CLCN3: variants seen among roughly 807,000 people sequenced by gnomAD.
CLCN3 encodes Cl-/H+ antiporter 3.
Under a neutral mutation model 83.4 loss-of-function variants are expected in CLCN3, and 16 were observed. The observed-to-expected ratio is 0.19, with a 90% CI of 0.13 to 0.29. The LOEUF is 0.29. Ranked by LOEUF, CLCN3 falls within the 10% of genes least tolerant of loss-of-function variation. CLCN3 has a pLI of 1.00. For missense variants in CLCN3, 544 were observed against 1,006.0 expected (o/e 0.54, Z 6.21); for synonymous variants, 322 against 346.2 (o/e 0.93, Z 0.78).
At chr4:169,709,719 G>A (rs1187783593) in intron 11 of CLCN3, among the ~76,000 whole-genome samples, 2 of 151,808 alleles carry the variant, frequency 1.3e-5, no homozygotes, top group Non-Finnish European at 2.9e-5. Context: ...AATGAAAACT[G>A]TAATGTTGTT....
At chr4:169,626,541 A>C (rs1773239944) in intron 1 of CLCN3, among the ~76,000 whole-genome samples, 1 of 152,228 alleles carries the variant, frequency 6.6e-6, no homozygotes, top group African/African-American at 2.4e-5. Flanking sequence ...TCCCTTCTAA[A>C]GGGAAGGTCT....
chr4:169,679,489 G>A (rs1403030490), intron 2 of CLCN3, among the ~76,000 whole-genome samples: 2 of 152,136 alleles, frequency 1.3e-5, no homozygotes, highest in Non-Finnish European at 2.9e-5. Flanking sequence ...TAGACGGGGT[G>A]GCGGCCGGGC....
intron 9 of CLCN3, among the ~76,000 whole-genome samples, chr4:169,701,928 G>A (rs1180191587): frequency 6.6e-6 from 1 of 152,088 alleles, no homozygotes; most frequent in Non-Finnish European, 1.5e-5. Flanking sequence ...AGTGTGCACA[G>A]TGTATTTACT....
chr4:169,641,648 A>G (rs1363563472), intron 2 of CLCN3, among the ~76,000 whole-genome samples: 1 of 152,210 alleles, frequency 6.6e-6, no homozygotes, highest in African/African-American at 2.4e-5. Context: ...TACTGCCTAC[A>G]CAAGACGTTT....
At chr4:169,622,605 C>T (rs1333796574) in intron 1 of CLCN3, among the ~76,000 whole-genome samples, 1 of 152,134 alleles carries the variant, frequency 6.6e-6, no homozygotes, top group Non-Finnish European at 1.5e-5. Context: ...AGGCTCTTTT[C>T]CAAGTAATTT....
rs1158387990 is a variant in CLCN3, at chr4:169,663,784, T to G, written c.161-16266T>G. 2.6e-5 allele frequency among the ~76,000 whole-genome samples: 4 copies of G among 152,218 alleles called. No individual in the cohort carries two copies. In the East Asian group the frequency reaches 7.7e-4, roughly 29 times the overall value. ...AAAGTCAGAATTCCATCCAGATATTTGGCTCATACTTTAATCATGAGGCTA... is the reference window on the plus strand; with the variant it reads ...AAAGTCAGAATTCCATCCAGATATTGGGCTCATACTTTAATCATGAGGCTA... On this transcript the variant is annotated intron_variant, in intron 2 of 12. Transcript: ENST00000513761.
At chr4:169,631,579 C>T (rs1018083946) in intron 1 of CLCN3, among the ~76,000 whole-genome samples, 26 of 152,296 alleles carry the variant, frequency 1.7e-4, no homozygotes, top group African/African-American at 4.8e-4. Flanking sequence ...TGAGCCACCG[C>T]GCCCGGCCGT....
chr4:169,679,196 C>CGTCT (rs1203200290), intron 2 of CLCN3, among the ~76,000 whole-genome samples: 2 of 146,916 alleles, frequency 1.4e-5, no homozygotes, highest in Non-Finnish European at 3.0e-5. Flanking sequence ...TGGGCAGAGA[C>CGTCT]GCTCCTCACC....
rs58248805 is a variant in CLCN3 at position 169,665,459 on chromosome 4, G to T, written c.161-14591G>T. ...ACATTTAATTGACCACCTGCTAAAT[G>T]TGAGGCACTATTCTTGCCATTACCT... On this transcript the variant is annotated intron_variant, in intron 2 of 12. Coordinates refer to ENST00000513761, the MANE Select transcript of CLCN3 (RefSeq NM_001829.4). Among the ~76,000 whole-genome samples, 487 of 152,284 alleles carry T rather than the reference G, an allele frequency of 3.2e-3. 5 individuals carry two copies. The highest frequency in any genetic ancestry group is 0.011 in the African/African-American group (468 of 41,560).
chr4:169,696,833 G>A (rs1364834604), intron 8 of CLCN3, among the ~76,000 whole-genome samples: 2 of 148,526 alleles, frequency 1.3e-5, no homozygotes, highest in African/African-American at 4.9e-5. Flanking sequence ...TTTTAATGTA[G>A]AAGAGGCAAA....
intron 11 of CLCN3, among the ~76,000 whole-genome samples, chr4:169,710,773 G>A (rs987078419): frequency 1.3e-5 from 2 of 151,748 alleles, no homozygotes; most frequent in African/African-American, 4.8e-5. Context: ...TGATAATTGG[G>A]GTTAGTTTTA....
At chr4:169,701,985 A>G (rs918321902) in intron 9 of CLCN3, among the ~76,000 whole-genome samples, 5 of 152,162 alleles carry the variant, frequency 3.3e-5, no homozygotes, top group African/African-American at 9.6e-5. Flanking sequence ...TTACCAGCCA[A>G]ATGTCCCTAG....
chr4:169,664,960 T>A (rs2150223402), intron 2 of CLCN3, among the ~76,000 whole-genome samples: 1 of 152,366 alleles, frequency 6.6e-6, no homozygotes, highest in Non-Finnish European at 1.5e-5. Flanking sequence ...TTCTTGTTTT[T>A]AAGTTAACAT....
chr4:169,662,017 C>T (rs900443277), intron 2 of CLCN3, among the ~76,000 whole-genome samples: 1 of 152,070 alleles, frequency 6.6e-6, no homozygotes, highest in African/African-American at 2.4e-5. Flanking sequence ...ATCAGAATAC[C>T]TGGGCTTCAG....
chr4:169,635,823 A>G (rs542838107), intron 1 of CLCN3, 90 bp from the exon 2 acceptor site: 19 of 1,047,338 alleles, frequency 1.8e-5, no homozygotes, highest in Non-Finnish European at 2.4e-5. Flanking sequence ...TTTTTAGCAC[A>G]TAGATCATAA....
At chr4:169,652,257 A>C (rs1447396084) in intron 2 of CLCN3, among the ~76,000 whole-genome samples, 1 of 152,074 alleles carries the variant, frequency 6.6e-6, no homozygotes, top group Non-Finnish European at 1.5e-5. Context: ...TTCTTGCTTT[A>C]CTTTGTGGTT....
intron 10 of CLCN3, 109 bp downstream of exon 10, chr4:169,704,293 A>T: frequency 1.1e-6 from 1 of 943,840 alleles, no homozygotes; most frequent in South Asian, 1.6e-5. Context: ...TGAGTAAAGG[A>T]GGGTGCCAGG....
intron 1 of CLCN3, among the ~76,000 whole-genome samples, chr4:169,626,124 C>A (rs1159291824): frequency 6.6e-6 from 1 of 152,230 alleles, no homozygotes; most frequent in Non-Finnish European, 1.5e-5. Context: ...CCCATGACCC[C>A]CCCACTCCTT....
chr4:169,706,770 T>C, intron 10 of CLCN3, 98 bp from the exon 11 acceptor site: 1 of 936,038 alleles, frequency 1.1e-6, no homozygotes, highest in Non-Finnish European at 1.6e-6. Context: ...CTGAGTTCTA[T>C]TTGCCATTTA....
Sources: gnomAD v4.1 joint callset for allele counts (sites outside exome capture counted in the v4.1 genomes callset) on GRCh38, gnomAD v4.1.1 for gene constraint, MANE v1.5 for transcripts, NCBI Gene and HGNC (gene_info 2026-07-23, HGNC 2026-07-21) for gene names.